PTPRD: variants seen among roughly 807,000 people sequenced by gnomAD.
The protein encoded by PTPRD is receptor-type tyrosine-protein phosphatase delta.
PTPRD carries 34 observed loss-of-function variants against 214.5 expected under a neutral mutation model. The observed-to-expected ratio is 0.16, with a 90% confidence interval of 0.12 to 0.21. PTPRD has a LOEUF of 0.21. PTPRD is among the 10% of genes least tolerant of loss of function. The probability of loss-of-function intolerance (pLI) is 1.00; values close to 1 mark genes in which losing one functional copy is unlikely to be tolerated. For synonymous variants in PTPRD, 1,128 were observed against 845.7 expected (o/e 1.33, Z -5.79); for missense variants, 2,545 against 2,398.7 (o/e 1.06, Z -1.27).
chr9:10,259,746 AG>A (rs1294904383), intron 3 of PTPRD, among the ~76,000 whole-genome samples: 8 of 152,224 alleles, frequency 5.3e-5, no homozygotes, highest in African/African-American at 1.9e-4. Context: ...CCAGAAGCTC[AG>A]CTTTTGTAGC....
At chr9:9,720,003 G>A (rs940441094) in intron 7 of PTPRD, among the ~76,000 whole-genome samples, 6 of 152,086 alleles carry the variant, frequency 3.9e-5, no homozygotes, top group Admixed American at 3.3e-4. Context: ...CTCCACACCT[G>A]GCTCACCCTT....
intron 37 of PTPRD, among the ~76,000 whole-genome samples, chr9:8,388,167 G>A (rs939396729): frequency 1.3e-5 from 2 of 152,060 alleles, no homozygotes; most frequent in African/African-American, 4.8e-5. Context: ...TTCTGTCTGA[G>A]CTTTTCCCTT....
At chr9:8,607,059 T>C (rs1249363778) in intron 14 of PTPRD, among the ~76,000 whole-genome samples, 7 of 152,238 alleles carry the variant, frequency 4.6e-5, no homozygotes, top group East Asian at 3.9e-4. Context: ...TGGGAAGACA[T>C]TGGACAAAGG....
chr9:9,613,131 C>CATATATATATATATATATATAT (rs1383091159), intron 7 of PTPRD, among the ~76,000 whole-genome samples: 2 of 40,932 alleles, frequency 4.9e-5, no homozygotes. Flanking sequence ...AGTATACATA[C>CATATATATATATATATATATAT]ATACATATAT....
intron 7 of PTPRD, among the ~76,000 whole-genome samples, chr9:9,657,398 A>G (rs1035160847): frequency 6.6e-6 from 1 of 152,106 alleles, no homozygotes; most frequent in African/African-American, 2.4e-5. Context: ...TGGGAGTTGA[A>G]CAGTGAGAAC....
chr9:9,939,937 C>T (rs755771954), intron 4 of PTPRD, among the ~76,000 whole-genome samples: 19 of 152,156 alleles, frequency 1.2e-4, no homozygotes, highest in Non-Finnish European at 2.5e-4. Context: ...TCTTCTGCTA[C>T]TGCCACAATA....
chr9:10,039,343 T>C (rs958022393), intron 3 of PTPRD, among the ~76,000 whole-genome samples: 1 of 152,096 alleles, frequency 6.6e-6, no homozygotes, highest in Non-Finnish European at 1.5e-5. Context: ...TCCATGTCCC[T>C]ATAGCCAATT....
intron 14 of PTPRD, among the ~76,000 whole-genome samples, chr9:8,547,717 A>G (rs1468693930): frequency 6.6e-6 from 1 of 152,144 alleles, no homozygotes; most frequent in Non-Finnish European, 1.5e-5. Flanking sequence ...TTTAATTCCA[A>G]TATCAGCCCA....
At chr9:10,421,897 ACT>A (rs1270800497) in intron 2 of PTPRD, among the ~76,000 whole-genome samples, 2 of 151,882 alleles carry the variant, frequency 1.3e-5, no homozygotes, top group African/African-American at 4.8e-5. Context: ...CATCCAGAAA[ACT>A]CTGTGGGAAC....
At chr9:9,192,566 C>G (rs1441283888) in intron 9 of PTPRD, among the ~76,000 whole-genome samples, 1 of 151,990 alleles carries the variant, frequency 6.6e-6, no homozygotes, top group Non-Finnish European at 1.5e-5. Flanking sequence ...TTGTTTGTTA[C>G]TACAAAAGAC....
At chr9:8,553,602 C>A (rs1286894266) in intron 14 of PTPRD, among the ~76,000 whole-genome samples, 1 of 152,160 alleles carries the variant, frequency 6.6e-6, no homozygotes, top group Non-Finnish European at 1.5e-5. Flanking sequence ...GAGAGGGGAA[C>A]TGGAGTATAC....
At chr9:10,566,371 A>T (rs189749613) in intron 2 of PTPRD, among the ~76,000 whole-genome samples, 1 of 152,060 alleles carries the variant, frequency 6.6e-6, no homozygotes, top group East Asian at 1.9e-4. Context: ...GTGCCAATTT[A>T]CAACTGCAGT....
chr9:9,561,892 T>C (rs1240081406), intron 8 of PTPRD, among the ~76,000 whole-genome samples: 1 of 152,208 alleles, frequency 6.6e-6, no homozygotes, highest in Non-Finnish European at 1.5e-5. Context: ...ACATTTTCTC[T>C]CTATGTATAC....
At chr9:8,476,712 T>C (rs1448922850) in intron 30 of PTPRD, among the ~76,000 whole-genome samples, 1 of 152,276 alleles carries the variant, frequency 6.6e-6, no homozygotes, top group East Asian at 1.9e-4. Flanking sequence ...ATACATATAA[T>C]ACCCCCAACA....
chr9:8,823,752 T>A (rs144291165), intron 11 of PTPRD, among the ~76,000 whole-genome samples: 1 of 152,198 alleles, frequency 6.6e-6, no homozygotes, highest in African/African-American at 2.4e-5. Flanking sequence ...GGAGTCTTGA[T>A]CCAGACCCTA....
intron 2 of PTPRD, among the ~76,000 whole-genome samples, chr9:10,603,152 C>A (rs2078411016): frequency 6.6e-6 from 1 of 151,778 alleles, no homozygotes; most frequent in Non-Finnish European, 1.5e-5. Flanking sequence ...GGGACCCGAG[C>A]TTGAAGGGCC....
chr9:10,486,279 T>A (rs2099132521), intron 2 of PTPRD, among the ~76,000 whole-genome samples: 1 of 152,226 alleles, frequency 6.6e-6, no homozygotes, highest in South Asian at 2.1e-4. Flanking sequence ...TGAATTGTAT[T>A]TCCTAGGTTT....
At chr9:10,321,494 AG>A (rs2096551492) in intron 3 of PTPRD, among the ~76,000 whole-genome samples, 1 of 152,080 alleles carries the variant, frequency 6.6e-6, no homozygotes, top group Non-Finnish European at 1.5e-5. Context: ...AAGATAAACA[AG>A]ATTAGGTTGG....
chr9:9,953,931 G>T (rs572968471), intron 4 of PTPRD, among the ~76,000 whole-genome samples: 6 of 152,038 alleles, frequency 3.9e-5, no homozygotes, highest in African/African-American at 1.5e-4. Flanking sequence ...GGATTTCTTT[G>T]CTGTGTTTTT....
Sources: allele counts gnomAD v4.1 joint callset (sites outside exome capture counted in the v4.1 genomes callset), GRCh38; gene constraint gnomAD v4.1.1; transcripts MANE v1.5; gene names NCBI Gene and HGNC (gene_info 2026-07-23, HGNC 2026-07-21).